The following PRKCG variants were observed in gnomAD, a reference collection of about 807,000 sequenced individuals.
PRKCG encodes the protein protein kinase C gamma type.
PRKCG carries 28 observed loss-of-function variants against 82.0 expected under a neutral mutation model. The observed-to-expected ratio is 0.34, with a 90% CI of 0.25 to 0.47. The LOEUF (loss-of-function observed/expected upper bound fraction) is 0.47, where lower values mean the gene tolerates loss of function less well. Among genes scored for constraint, PRKCG ranks in the 20% least tolerant of loss-of-function variants. The pLI is 1.00. For missense variants in PRKCG, 640 were observed against 952.7 expected (o/e 0.67, Z 4.32); for synonymous variants, 383 against 376.6 (o/e 1.02, Z -0.20).
chr19:53,891,579 G>T, intron 5 of PRKCG, 95 bp from the exon 6 acceptor site: 11 of 1,521,832 alleles, frequency 7.2e-6, no homozygotes, highest in Non-Finnish European at 8.2e-6. Flanking sequence ...GCCGTGCCTG[G>T]CCAAGCTTGG....
chr19:53,889,578 C>T lies in PRKCG; in HGVS notation c.286-60C>T, dbSNP rs1003349273. ...GGCAGGAGGAAAAGATAAAAGGGCC[C>T]CTCCCCTGGGGTTTTAGGACCCTCC... On this transcript the variant is annotated intron_variant, in intron 3 of 17. Transcript: ENST00000263431. This position sits in a 1 kb window ranked among gnomAD's most constrained non-coding sequence, Gnocchi z 4.4. The T allele has an allele frequency of 3.1e-6, 4 of 1,301,438 alleles. No homozygotes were observed. The East Asian group carries it at 7.1e-5, about 23-fold the overall frequency. The allele number at this position is 1,301,438 out of a possible 1,614,324, so 80.6% of individuals were successfully genotyped here.
chr19:53,889,803 G>A lies in PRKCG; in HGVS notation c.397+54G>A. The A allele has an allele frequency of 4.4e-6, 7 of 1,592,252 alleles. No individual in the cohort carries two copies. Among genetic ancestry groups the A allele is most frequent in the Non-Finnish European group, 6.0e-6 (7 of 1,169,376 alleles). ...TTCCAAAGCGCCCGGTCTGGGTTCC[G>A]GGAAATGCCCGGGATGGGGTGGGGG... On this transcript the variant is annotated intron_variant, in intron 4 of 17. Transcript: ENST00000263431. The surrounding 1 kb of genome is among the most constrained non-coding windows in gnomAD (Gnocchi z 4.4).
intron 14 of PRKCG, 71 bp from the exon 15 acceptor site, chr19:53,903,002 G>C (rs1009573387): frequency 6.2e-6 from 7 of 1,130,090 alleles, no homozygotes; most frequent in African/African-American, 4.6e-5. Context: ...GCGCTCCCAG[G>C]GGGTGAGGCC....
In PRKCG at chr19:53,884,304, C is replaced by T; in HGVS notation, c.285+61C>T. 1 of 1,469,530 alleles carries T rather than the reference C, an allele frequency of 6.8e-7. No homozygotes were observed. The highest frequency in any genetic ancestry group is 2.3e-5 in the East Asian group (1 of 44,194). 91.0% of individuals were successfully genotyped at this position (1,469,530 alleles called of 1,614,324 possible). A position where few individuals can be genotyped will look rare whatever the true frequency, so the allele number is the denominator to read the frequency against. On this transcript the variant is annotated intron_variant, in intron 3 of 17. Coordinates refer to ENST00000263431, the MANE Select transcript of PRKCG (RefSeq NM_002739.5). The surrounding 1 kb of genome is among the most constrained non-coding windows in gnomAD (Gnocchi z 4.6). Reference sequence around the variant, plus strand: ...CGTGCCCCCGCCCTCACCCCCTCGGCGTCCGTCCCAATTTCTCCTGCTATT... The same window carrying T: ...CGTGCCCCCGCCCTCACCCCCTCGGTGTCCGTCCCAATTTCTCCTGCTATT...
chr19:53,882,359 G>C lies in PRKCG; in HGVS notation c.-136G>C. On this transcript the variant is annotated 5_prime_UTR_variant, in exon 1 of 18. Coordinates refer to ENST00000263431, the MANE Select transcript of PRKCG (RefSeq NM_002739.5). This position sits in a 1 kb window ranked among gnomAD's most constrained non-coding sequence, Gnocchi z 6.1. ...CTGCCTGGCGCGCTCCGCACCTGGAGGTGCCTTGCCCCTCTCCTGCCCACC... is the reference window on the plus strand; with the variant it reads ...CTGCCTGGCGCGCTCCGCACCTGGACGTGCCTTGCCCCTCTCCTGCCCACC... The C allele has an allele frequency of 7.6e-7, 1 of 1,320,426 alleles. No individual in the cohort carries two copies. Among genetic ancestry groups the C allele is most frequent in the Non-Finnish European group, 1.0e-6 (1 of 957,036 alleles). 81.8% of individuals were successfully genotyped at this position (1,320,426 alleles called of 1,614,324 possible). A position where few individuals can be genotyped will look rare whatever the true frequency, so the allele number is the denominator to read the frequency against.
Position 53,900,219 on chromosome 19 carries a change from G to A in PRKCG, c.1282-14G>A, listed in dbSNP as rs1017029385. ...AGATGGATCCCGCCTCTAAGCCCAT[G>A]CACTTCTCCGCAGGACCGCCTGTAT... On this transcript the variant is annotated splice_polypyrimidine_tract_variant and intron_variant, in intron 11 of 17. Transcript: ENST00000263431. This position sits in a 1 kb window ranked among gnomAD's most constrained non-coding sequence, Gnocchi z 4.2. 3.7e-6 allele frequency: 6 copies of A among 1,611,192 alleles called. No homozygotes were observed. Among genetic ancestry groups the A allele is most frequent in the Non-Finnish European group, 5.1e-6 (6 of 1,177,454 alleles).
rs1440153111 is a variant in PRKCG, at chr19:53,894,364, C to T, written c.939+973C>T. Among the ~76,000 whole-genome samples, 11 of 152,088 alleles carry T rather than the reference C, an allele frequency of 7.2e-5. No homozygotes were observed. The South Asian group carries it at 1.5e-3, about 20-fold the overall frequency. ...ACAGGCGTGAGCCACCACACCCAGC[C>T]GATTCTTGAGTTTTAAAAAATCTAT... On this transcript the variant is annotated intron_variant, in intron 9 of 17. Coordinates refer to ENST00000263431, the MANE Select transcript of PRKCG (RefSeq NM_002739.5).
At position 53,900,858 on chromosome 19, in the gene PRKCG, GTT is replaced by G; in HGVS notation, c.1575+110_1575+111del. ...GCCTGACCCTCAGACCTTGTCATGA[GTT>G]GTGGCCTTCTTACACAGCCAGTCGT... On this transcript the variant is annotated intron_variant, in intron 14 of 17. Coordinates refer to ENST00000263431, the MANE Select transcript of PRKCG (RefSeq NM_002739.5). The surrounding 1 kb of genome is among the most constrained non-coding windows in gnomAD (Gnocchi z 4.2). 6.4e-7 allele frequency: 1 copy of G among 1,561,748 alleles called. No homozygotes were observed. Among genetic ancestry groups the G allele is most frequent in the Non-Finnish European group, 8.7e-7 (1 of 1,143,046 alleles).
chr19:53,897,572 C>G (rs1281235991), intron 9 of PRKCG, among the ~76,000 whole-genome samples: 1 of 152,160 alleles, frequency 6.6e-6, no homozygotes, highest in East Asian at 1.9e-4. Context: ...CAACCAGATT[C>G]TAGAGCTGGA....
At chr19:53,896,260 C>A (rs2068717189) in intron 9 of PRKCG, among the ~76,000 whole-genome samples, 1 of 151,682 alleles carries the variant, frequency 6.6e-6, no homozygotes, top group East Asian at 1.9e-4. Context: ...TGTTGTGGCT[C>A]ACAGCACTCT....
At chr19:53,898,976 G>A (rs138111385) in intron 11 of PRKCG, among the ~76,000 whole-genome samples, 1 of 141,938 alleles carries the variant, frequency 7.0e-6, no homozygotes, top group South Asian at 2.3e-4. Flanking sequence ...AAATCTTTGG[G>A]GGGGTGGTTT....
At position 53,892,584 on chromosome 19, in the gene PRKCG, C is replaced by A. The variant is rs757533070; in HGVS notation, c.762C>A (p.Asp254Glu). The A allele has an allele frequency of 1.2e-6, 2 of 1,613,740 alleles. No homozygotes were observed. The highest frequency in any genetic ancestry group is 1.7e-6 in the Non-Finnish European group (2 of 1,179,998). Reference protein sequence around the residue: ...VWDWDRTSRNDFMGAMSFGVS... With the variant: ...VWDWDRTSRNEFMGAMSFGVS... ...ACTGGGACCGGACCTCCCGCAACGACTTCATGGGGGCCATGTCCTTTGGCG... is the reference window on the plus strand; with the variant it reads ...ACTGGGACCGGACCTCCCGCAACGAATTCATGGGGGCCATGTCCTTTGGCG... Residue 254 changes from aspartate (D) to glutamate (E), a missense_variant, in exon 7 of 18, where the codon GAC becomes GAA. Coordinates refer to ENST00000263431, the MANE Select transcript of PRKCG (RefSeq NM_002739.5). This position sits in a 1 kb window ranked among gnomAD's most constrained non-coding sequence, Gnocchi z 5.9.
chr19:53,891,747 C>T lies in PRKCG; in HGVS notation c.603C>T (p.Ile201=), dbSNP rs1333524314. ...LSDPYVKLKL[I]PDPRNLTKQK... is the part of the protein sequence containing the mutation. ...ATCCCTATGTGAAACTGAAGCTCAT[C>T]CCAGACCCTCGGAACCTGACGAAAC... The change falls in exon 6 of 18, where the codon ATC becomes ATT. Residue 201 remains isoleucine, a synonymous_variant. Transcript: ENST00000263431. 5.0e-6 allele frequency: 8 copies of T among 1,614,102 alleles called. No individual in the cohort carries two copies. The highest frequency in any genetic ancestry group is 6.8e-6 in the Non-Finnish European group (8 of 1,180,014).
Position 53,891,678 on chromosome 19 carries a change from C to A in PRKCG, c.534C>A (p.Gly178=). 1 of 1,613,758 alleles carries A rather than the reference C, an allele frequency of 6.2e-7. No individual in the cohort carries two copies. Among genetic ancestry groups the A allele is most frequent in the Non-Finnish European group, 8.5e-7 (1 of 1,179,818 alleles). The change falls in exon 6 of 18, where the codon GGC becomes GGA. Residue 178 remains glycine, a synonymous_variant. Transcript: ENST00000263431. ...TCTTCCTCACTCCCCGTTTAGTTGG[C>A]GAGGCCCGTAACCTAATTCCTATGG... ...PTADEIHVTV[G]EARNLIPMDP... is the part of the protein sequence containing the mutation.
rs968426086 is a variant in PRKCG, at chr19:53,883,743, C to T, written c.203-418C>T. On this transcript the variant is annotated intron_variant, in intron 2 of 17. Transcript: ENST00000263431. This position sits in a 1 kb window ranked among gnomAD's most constrained non-coding sequence, Gnocchi z 5.4. The stretch of plus-strand genomic sequence containing the variant: ...AGCAGCGCCCCCAGACTCACTTCTG[C>T]CCAAGTTGCTGCTTCCTGGGCTGCG... Among the ~76,000 whole-genome samples, 1 of 152,164 alleles carries T rather than the reference C, an allele frequency of 6.6e-6. No homozygotes were observed. Among genetic ancestry groups the T allele is most frequent in the African/African-American group, 2.4e-5 (1 of 41,442 alleles).
rs781013748 is a variant in PRKCG, at chr19:53,900,479, C to T, written c.1434C>T (p.Tyr478=). The T allele has an allele frequency of 1.9e-6, 3 of 1,614,030 alleles. No homozygotes were observed. Among genetic ancestry groups the T allele is most frequent in the Non-Finnish European group, 1.7e-6 (2 of 1,180,024 alleles). Residue 478 remains tyrosine (Y), a splice_region_variant and synonymous_variant, in exon 13 of 18, where the codon TAC becomes TAT. Coordinates refer to ENST00000263431, the MANE Select transcript of PRKCG (RefSeq NM_002739.5). The surrounding 1 kb of genome is among the most constrained non-coding windows in gnomAD (Gnocchi z 4.2). ...LFFLHNQGII[Y]RDLKLDNVML... ...TCCTTCACAATCAGGGCATCATCTA[C>T]AGGTGAGCAGCCCCAGGAATTTCCG...
chr19:53,888,642 A>G (rs2068649267), intron 3 of PRKCG, among the ~76,000 whole-genome samples: 1 of 152,148 alleles, frequency 6.6e-6, no homozygotes, highest in Non-Finnish European at 1.5e-5. Flanking sequence ...GGGAGCATCT[A>G]ACGTGGTAGG....
chr19:53,882,517 T>C lies in PRKCG; in HGVS notation c.23T>C (p.Val8Ala). The C allele has an allele frequency of 3.1e-6, 5 of 1,614,002 alleles. No homozygotes were observed. The highest frequency in any genetic ancestry group is 4.2e-6 in the Non-Finnish European group (5 of 1,179,958). Residue 8 changes from valine (V) to alanine (A), a missense_variant, in exon 1 of 18, where the codon GTA (valine) becomes GCA (alanine). By Grantham distance (64) the Val-to-Ala change is moderately conservative. Coordinates refer to ENST00000263431, the MANE Select transcript of PRKCG (RefSeq NM_002739.5). This position sits in a 1 kb window ranked among gnomAD's most constrained non-coding sequence, Gnocchi z 6.1. ...GCCATGGCTGGTCTGGGCCCCGGCG[T>C]AGGCGATTCAGAGGGGGGACCCCGG... MAGLGPGVGDSEGGPRPL... is the reference protein window; with the variant it reads MAGLGPGAGDSEGGPRPL...
In PRKCG at chr19:53,882,533, G is replaced by T. The variant is rs936362841; in HGVS notation, c.39G>T (p.Gly13=). 15 of 1,614,070 alleles carry T rather than the reference G, an allele frequency of 9.3e-6. No individual in the cohort carries two copies. The Admixed American group carries it at 1.5e-4, about 16-fold the overall frequency. Reference sequence around the variant, plus strand: ...GCCCCGGCGTAGGCGATTCAGAGGGGGGACCCCGGCCCCTGTTTTGCAGAA... The same window carrying T: ...GCCCCGGCGTAGGCGATTCAGAGGGTGGACCCCGGCCCCTGTTTTGCAGAA... ...GLGPGVGDSE[G]GPRPLFCRKG... is the part of the protein sequence containing the mutation. Residue 13 remains glycine, a synonymous_variant, in exon 1 of 18, where the codon GGG becomes GGT. Transcript: ENST00000263431. This position sits in a 1 kb window ranked among gnomAD's most constrained non-coding sequence, Gnocchi z 6.1.
Sources: allele counts gnomAD v4.1 joint callset (sites outside exome capture counted in the v4.1 genomes callset), GRCh38; gene constraint gnomAD v4.1.1; non-coding constraint Gnocchi (gnomAD v3.1); transcripts MANE v1.5; gene names NCBI Gene and HGNC (gene_info 2026-07-23, HGNC 2026-07-21).